Variants in MAPKAP1 observed in about 807,000 individuals in gnomAD.
The protein encoded by MAPKAP1 is target of rapamycin complex 2 subunit MAPKAP1.
A neutral mutation model predicts 65.7 loss-of-function variants in MAPKAP1; 20 were observed. The observed-to-expected ratio is 0.30, with a 90% confidence interval of 0.21 to 0.44. The LOEUF (loss-of-function observed/expected upper bound fraction) is 0.44. Among genes scored for constraint, MAPKAP1 ranks in the 20% least tolerant of loss-of-function variants. The pLI, the probability that MAPKAP1 is intolerant of heterozygous loss-of-function variation, is 1.00. For synonymous variants in MAPKAP1, 222 were observed against 244.3 expected (o/e 0.91, Z 0.85); for missense variants, 423 against 648.0 (o/e 0.65, Z 3.77).
chr9:125,442,110 C>T (rs981726237), intron 11 of MAPKAP1, among the ~76,000 whole-genome samples: 3 of 107,886 alleles, frequency 2.8e-5, no homozygotes, highest in Non-Finnish European at 5.0e-5. Context: ...GCCTGTGCAA[C>T]AGAGTGAGAC....
At chr9:125,543,396 AGCTGGGACTACAG>A (rs978599441) in intron 6 of MAPKAP1, among the ~76,000 whole-genome samples, 1 of 150,550 alleles carries the variant, frequency 6.6e-6, no homozygotes, top group African/African-American at 2.4e-5. Context: ...CCTCCCAAGT[AGCTGGGACTACAG>A]GCGCCCGCCA....
intron 4 of MAPKAP1, chr9:125,652,114 G>T: frequency 7.8e-7 from 1 of 1,282,820 alleles, no homozygotes. Flanking sequence ...TCAATTCGCT[G>T]ACCTTTTCTG....
intron 7 of MAPKAP1, among the ~76,000 whole-genome samples, chr9:125,542,326 T>C (rs534188433): frequency 1.3e-5 from 2 of 152,340 alleles, no homozygotes; most frequent in South Asian, 4.1e-4. Flanking sequence ...TTTTTTTCCT[T>C]TCCAAAAGGT....
chr9:125,544,161 C>T (rs1460245293), intron 6 of MAPKAP1, among the ~76,000 whole-genome samples: 1 of 152,104 alleles, frequency 6.6e-6, no homozygotes, highest in South Asian at 2.1e-4. Flanking sequence ...CAGGCGCCTG[C>T]CACCGTGCCT....
chr9:125,458,609 T>C (rs1388833850), intron 10 of MAPKAP1, among the ~76,000 whole-genome samples: 1 of 151,600 alleles, frequency 6.6e-6, no homozygotes, highest in African/African-American at 2.4e-5. Flanking sequence ...GTCTCCCATG[T>C]CTACTTCCTT....
chr9:125,664,327 ATAAGAG>A (rs1244800271), intron 3 of MAPKAP1, among the ~76,000 whole-genome samples: 1 of 150,200 alleles, frequency 6.7e-6, no homozygotes, highest in Non-Finnish European at 1.5e-5. Flanking sequence ...AGCCTGGGCA[ATAAGAG>A]TAAAACTCCG....
Position 125,503,705 on chromosome 9 carries a change from ATTTCTTT to A in MAPKAP1, c.1066+2598_1066+2604del, listed in dbSNP as rs542210047. Among the ~76,000 whole-genome samples the A allele has an allele frequency of 3.8e-4, 58 of 151,564 alleles. 1 individual carries two copies. The South Asian group carries it at 0.011, about 29-fold the overall frequency. On this transcript the variant is annotated intron_variant, in intron 8 of 11. Transcript: ENST00000265960. ...TTTAGATCCTTTTCTCTTTAAGATAATTTCTTTTTTCTTTCTTTCTTTTTTTTTTGAG... is the reference window on the plus strand; with the variant it reads ...TTTAGATCCTTTTCTCTTTAAGATAATTTCTTTCTTTCTTTTTTTTTTGAG...
intron 10 of MAPKAP1, among the ~76,000 whole-genome samples, chr9:125,456,726 G>A (rs1360112843): frequency 6.6e-6 from 1 of 152,146 alleles, no homozygotes; most frequent in African/African-American, 2.4e-5. Flanking sequence ...TGCCAGCAAC[G>A]ACTCAGTGAG....
intron 4 of MAPKAP1, among the ~76,000 whole-genome samples, chr9:125,636,410 A>G (rs973491204): frequency 5.9e-5 from 9 of 152,254 alleles, no homozygotes; most frequent in African/African-American, 2.2e-4. Flanking sequence ...ACGCATATAT[A>G]TCAAGATACA....
At chr9:125,449,318 A>C (rs1471109073) in intron 10 of MAPKAP1, among the ~76,000 whole-genome samples, 2 of 152,156 alleles carry the variant, frequency 1.3e-5, no homozygotes, top group Non-Finnish European at 2.9e-5. Context: ...TGTCACATAC[A>C]TCCCTGCATA....
At chr9:125,608,998 A>C (rs1336568958) in intron 4 of MAPKAP1, among the ~76,000 whole-genome samples, 1 of 152,018 alleles carries the variant, frequency 6.6e-6, no homozygotes, top group Non-Finnish European at 1.5e-5. Context: ...AGTGGAGCCT[A>C]ACTAAGAAGA....
intron 4 of MAPKAP1, among the ~76,000 whole-genome samples, chr9:125,618,664 G>A (rs1036168348): frequency 3.3e-5 from 5 of 152,128 alleles, no homozygotes; most frequent in Non-Finnish European, 7.4e-5. Context: ...ACTCAAATTT[G>A]TTTGATATGT....
At chr9:125,686,623 T>C (rs1834987212) in intron 1 of MAPKAP1, among the ~76,000 whole-genome samples, 2 of 152,196 alleles carry the variant, frequency 1.3e-5, no homozygotes, top group South Asian at 2.1e-4. Flanking sequence ...GTGTTTTCGC[T>C]TCACATTGTT....
intron 7 of MAPKAP1, among the ~76,000 whole-genome samples, chr9:125,538,610 G>C (rs776753055): frequency 6.6e-6 from 1 of 152,018 alleles, no homozygotes; most frequent in Non-Finnish European, 1.5e-5. Flanking sequence ...TTAAAATATG[G>C]TAAGCCACTG....
intron 4 of MAPKAP1, among the ~76,000 whole-genome samples, chr9:125,594,663 C>T (rs541306236): frequency 9.2e-5 from 14 of 152,184 alleles, no homozygotes; most frequent in African/African-American, 3.1e-4. Context: ...CACAGACTTA[C>T]AGTTTCACTT....
intron 4 of MAPKAP1, among the ~76,000 whole-genome samples, chr9:125,605,998 T>C (rs182734509): frequency 6.6e-6 from 1 of 152,188 alleles, no homozygotes; most frequent in Admixed American, 6.5e-5. Flanking sequence ...AGGAGATCAC[T>C]CTCTTTGAAA....
chr9:125,591,533 C>A (rs1831963492), intron 4 of MAPKAP1, among the ~76,000 whole-genome samples: 1 of 151,876 alleles, frequency 6.6e-6, no homozygotes, highest in African/African-American at 2.4e-5. Flanking sequence ...GAAAGTGGGG[C>A]AAAAACTATC....
chr9:125,495,586 T>C (rs2133061545), intron 8 of MAPKAP1, among the ~76,000 whole-genome samples: 1 of 152,328 alleles, frequency 6.6e-6, no homozygotes, highest in South Asian at 2.1e-4. Context: ...TTTTAATATA[T>C]TAAGACCAAT....
intron 5 of MAPKAP1, among the ~76,000 whole-genome samples, chr9:125,572,556 T>C (rs1831267434): frequency 6.6e-6 from 1 of 152,232 alleles, no homozygotes; most frequent in African/African-American, 2.4e-5. Flanking sequence ...ATTAGTTGTT[T>C]TTAAGTTTGT....
Sources: gnomAD v4.1 joint callset for allele counts (sites outside exome capture counted in the v4.1 genomes callset) on GRCh38, gnomAD v4.1.1 for gene constraint, MANE v1.5 for transcripts, NCBI Gene and HGNC (gene_info 2026-07-23, HGNC 2026-07-21) for gene names.